Variants in ZSWIM5 observed in about 807,000 individuals in gnomAD.
ZSWIM5 encodes zinc finger SWIM domain-containing protein 5.
A neutral mutation model predicts 119.6 loss-of-function variants in ZSWIM5; 55 were observed. That is an observed-to-expected ratio of 0.46 (90% confidence interval 0.37 to 0.58). The LOEUF is 0.58. Ranked by LOEUF, ZSWIM5 falls within the 20% of genes least tolerant of loss-of-function variation. The pLI, the probability that ZSWIM5 is intolerant of heterozygous loss-of-function variation, is 0.00. For missense variants in ZSWIM5, 1,193 were observed against 1,512.8 expected (o/e 0.79, Z 3.51); for synonymous variants, 537 against 606.9 (o/e 0.88, Z 1.69).
At chr1:45,169,457 T>C (rs528081633) in intron 1 of ZSWIM5, among the ~76,000 whole-genome samples, 2 of 152,132 alleles carry the variant, frequency 1.3e-5, no homozygotes, top group African/African-American at 2.4e-5. Flanking sequence ...CAAGACCAAC[T>C]TAATCAAGAC....
At chr1:45,171,466 T>C (rs187163340) in intron 1 of ZSWIM5, among the ~76,000 whole-genome samples, 56 of 152,214 alleles carry the variant, frequency 3.7e-4, no homozygotes, top group African/African-American at 1.1e-3. Context: ...TAATCTAAAA[T>C]AGACATTGTC....
intron 2 of ZSWIM5, chr1:45,069,836 C>T (rs535196149): frequency 7.0e-5 from 22 of 313,082 alleles, no homozygotes; most frequent in Admixed American, 8.9e-5. Flanking sequence ...CTTCAATATG[C>T]TTCCTGTTTT....
intron 2 of ZSWIM5, among the ~76,000 whole-genome samples, chr1:45,087,467 C>T (rs1274234717): frequency 2.0e-5 from 3 of 152,238 alleles, no homozygotes; most frequent in Non-Finnish European, 4.4e-5. Context: ...CTTAGGATAA[C>T]TCTGATGCTA....
At chr1:45,133,085 T>C (rs1288843488) in intron 1 of ZSWIM5, among the ~76,000 whole-genome samples, 3 of 152,244 alleles carry the variant, frequency 2.0e-5, no homozygotes, top group Non-Finnish European at 2.9e-5. Flanking sequence ...TGTGTGCATG[T>C]GTCTTTATAG....
At position 45,206,376 on chromosome 1, in the gene ZSWIM5, G is replaced by A. The variant is rs1191069816; in HGVS notation, c.-26C>T. ...TGCTGGGGACTGACTGACTGACTGA[G>A]GCGGCGGCGGCTGCTCGGGCTGCGG... On this transcript the variant is annotated 5_prime_UTR_variant, in exon 1 of 14. Transcript: ENST00000359600. 4.4e-6 allele frequency: 6 copies of A among 1,356,378 alleles called. No homozygotes were observed. The highest frequency in any genetic ancestry group is 1.5e-5 in the African/African-American group (1 of 65,524). 84.0% of individuals were successfully genotyped at this position (1,356,378 alleles called of 1,614,324 possible).
chr1:45,016,443 T>C lies in ZSWIM5; in HGVS notation c.*2011A>G, dbSNP rs1316457679. ...TTTTATGTGATCCATGATTTATTCA[T>C]AGAAAAGCACTGTGAATTCACACAC... On this transcript the variant is annotated 3_prime_UTR_variant, in exon 14 of 14. Transcript: ENST00000359600. The C allele has an allele frequency of 6.6e-6, 1 of 152,224 alleles. No individual in the cohort carries two copies. Among genetic ancestry groups the C allele is most frequent in the Admixed American group, 6.5e-5 (1 of 15,290 alleles). 9.4% of individuals were successfully genotyped at this position (152,224 alleles called of 1,614,324 possible).
chr1:45,060,969 GT>G (rs1470581549), intron 2 of ZSWIM5, among the ~76,000 whole-genome samples: 1 of 152,032 alleles, frequency 6.6e-6, no homozygotes, highest in Non-Finnish European at 1.5e-5. Context: ...AAAAAATTCT[GT>G]TTTTTTAAAG....
At chr1:45,046,839 C>T (rs1645058124) in intron 5 of ZSWIM5, among the ~76,000 whole-genome samples, 1 of 151,766 alleles carries the variant, frequency 6.6e-6, no homozygotes, top group Non-Finnish European at 1.5e-5. Context: ...GCCAGGCTAA[C>T]ATAGTGAAAC....
intron 2 of ZSWIM5, among the ~76,000 whole-genome samples, chr1:45,087,266 C>T (rs1645336506): frequency 6.6e-6 from 1 of 152,288 alleles, no homozygotes; most frequent in Non-Finnish European, 1.5e-5. Flanking sequence ...TTGTTTCAGA[C>T]CTGTCTGTTG....
intron 8 of ZSWIM5, among the ~76,000 whole-genome samples, chr1:45,036,651 G>C (rs189453366): frequency 6.6e-6 from 1 of 151,754 alleles, no homozygotes; most frequent in Non-Finnish European, 1.5e-5. Flanking sequence ...CACCGTATTC[G>C]GCCTAGTCTT....
chr1:45,020,228 A>T, intron 12 of ZSWIM5, 81 bp from the exon 13 acceptor site: 1 of 1,170,478 alleles, frequency 8.5e-7, no homozygotes, highest in Non-Finnish European at 1.3e-6. Flanking sequence ...TTTATGCGAC[A>T]AATATTTTCT....
intron 1 of ZSWIM5, among the ~76,000 whole-genome samples, chr1:45,155,657 G>C (rs1645822716): frequency 6.6e-6 from 1 of 152,164 alleles, no homozygotes; most frequent in Non-Finnish European, 1.5e-5. Context: ...TCAATGAGTG[G>C]ATAAAGAAAC....
rs1644909492 is a variant in ZSWIM5 at position 45,024,564 on chromosome 1, T to A, written c.2450-3776A>T. On this transcript the variant is annotated intron_variant, in intron 11 of 13. Coordinates refer to ENST00000359600, the MANE Select transcript of ZSWIM5 (RefSeq NM_020883.2). ...AACTACTCATTTTTTCTTTCATGAT[T>A]GTGCTTTTGGTGTTGTATCTAAAAA... 2.6e-5 allele frequency among the ~76,000 whole-genome samples: 4 copies of A among 152,134 alleles called. No individual in the cohort carries two copies. In the South Asian group the frequency reaches 8.3e-4, roughly 32 times the overall value.
chr1:45,069,991 A>AG, intron 2 of ZSWIM5: 1 of 729,098 alleles, frequency 1.4e-6, no homozygotes, highest in Non-Finnish European at 2.5e-6. Flanking sequence ...CCCATCAGAT[A>AG]GACTGGCAGT....
chr1:45,195,240 T>G (rs1283801564), intron 1 of ZSWIM5, among the ~76,000 whole-genome samples: 2 of 152,146 alleles, frequency 1.3e-5, no homozygotes, highest in East Asian at 1.9e-4. Flanking sequence ...AAAGTTTTTG[T>G]TTTTTTGTTT....
chr1:45,120,160 A>G (rs1645582585), intron 1 of ZSWIM5, among the ~76,000 whole-genome samples: 1 of 152,180 alleles, frequency 6.6e-6, no homozygotes, highest in Non-Finnish European at 1.5e-5. Context: ...CCTGGCCAAC[A>G]TGGTGAAACC....
At chr1:45,183,710 A>G (rs945886059) in intron 1 of ZSWIM5, among the ~76,000 whole-genome samples, 42 of 152,214 alleles carry the variant, frequency 2.8e-4, no homozygotes, top group Non-Finnish European at 5.6e-4. Context: ...AAGAAGTTGA[A>G]TCTCTGAATA....
chr1:45,128,181 G>C (rs1049835598), intron 1 of ZSWIM5, among the ~76,000 whole-genome samples: 1 of 151,726 alleles, frequency 6.6e-6, no homozygotes, highest in African/African-American at 2.4e-5. Flanking sequence ...TACGGAAAAA[G>C]AAGAATAAGG....
At chr1:45,147,326 A>C (rs1388728339) in intron 1 of ZSWIM5, among the ~76,000 whole-genome samples, 1 of 152,104 alleles carries the variant, frequency 6.6e-6, no homozygotes, top group Non-Finnish European at 1.5e-5. Flanking sequence ...AACATGGCTA[A>C]ACTTCTACGT....
Sources: gnomAD v4.1 joint callset for allele counts (sites outside exome capture counted in the v4.1 genomes callset) on GRCh38, gnomAD v4.1.1 for gene constraint, MANE v1.5 for transcripts, NCBI Gene and HGNC (gene_info 2026-07-23, HGNC 2026-07-21) for gene names.